IQSEC1: variants seen among roughly 807,000 people sequenced by gnomAD.
IQSEC1 encodes IQ motif and SEC7 domain-containing protein 1.
Under a neutral mutation model 91.0 loss-of-function variants are expected in IQSEC1, and 31 were observed. That is an observed-to-expected ratio of 0.34 (90% CI 0.26 to 0.46). The LOEUF (loss-of-function observed/expected upper bound fraction) is 0.46, where lower values mean the gene tolerates loss of function less well. Ranked by LOEUF, IQSEC1 falls within the 20% of genes least tolerant of loss-of-function variation. The probability of loss-of-function intolerance (pLI) is 1.00; values close to 1 mark genes in which losing one functional copy is unlikely to be tolerated. For missense variants in IQSEC1, 1,388 were observed against 1,575.6 expected (o/e 0.88, Z 2.02); for synonymous variants, 699 against 662.6 (o/e 1.05, Z -0.84).
intron 12 of IQSEC1, among the ~76,000 whole-genome samples, chr3:12,906,200 G>A (rs1694963024): frequency 6.6e-6 from 1 of 152,204 alleles, no homozygotes; most frequent in African/African-American, 2.4e-5. Flanking sequence ...CCTGCCCCAG[G>A]AGCAGTGACG....
rs1705499343 is a variant in IQSEC1 at position 13,073,354 on chromosome 3, A to C, written c.-340T>G. Among the ~76,000 whole-genome samples the C allele has an allele frequency of 6.6e-6, 1 of 152,146 alleles. No homozygotes were observed. The highest frequency in any genetic ancestry group is 1.5e-5 in the Non-Finnish European group (1 of 68,016). On this transcript the variant is annotated 5_prime_UTR_variant, in exon 1 of 14. An upstream start codon of the reference 5' UTR is lost. Coordinates refer to ENST00000613206, the MANE Select transcript of IQSEC1 (RefSeq NM_001134382.3). ...ACCTTGGGGTTTTTCCCTCCCGTCC[A>C]TCCGGGGTGCGGGGCGCGGGGATGA...
chr3:12,998,814 A>G (rs1350549961), intron 1 of IQSEC1, among the ~76,000 whole-genome samples: 1 of 151,848 alleles, frequency 6.6e-6, no homozygotes, highest in African/African-American at 2.4e-5. Context: ...GACAGTGGGG[A>G]TGGAGAGCTG....
At chr3:13,223,630 C>CA (rs1319397079) in intron 1 of IQSEC1, among the ~76,000 whole-genome samples, 2 of 152,210 alleles carry the variant, frequency 1.3e-5, no homozygotes, top group Non-Finnish European at 2.9e-5. Flanking sequence ...CCCATGCACC[C>CA]ATCAGCCAGA....
intron 1 of IQSEC1, among the ~76,000 whole-genome samples, chr3:13,263,433 G>GTTTA (rs1695427075): frequency 7.5e-6 from 1 of 133,704 alleles, no homozygotes; most frequent in African/African-American, 2.6e-5. Context: ...TTTTTGGGGG[G>GTTTA]GGGGGGAAAG....
At chr3:13,078,313 A>T (rs1353520562), upstream of IQSEC1, among the ~76,000 whole-genome samples, 1 of 152,126 alleles carries the variant, frequency 6.6e-6, no homozygotes, top group Non-Finnish European at 1.5e-5. Flanking sequence ...TGAGCGAGAG[A>T]AGGCATCATT....
At chr3:12,923,283 G>C (rs1043155787) in intron 4 of IQSEC1, among the ~76,000 whole-genome samples, 1 of 152,164 alleles carries the variant, frequency 6.6e-6, no homozygotes, top group East Asian at 1.9e-4. Flanking sequence ...GGCTTGGAGT[G>C]GGGAGTCGGG....
At chr3:13,204,807 T>TTC (rs1272993905) in intron 1 of IQSEC1, among the ~76,000 whole-genome samples, 211 of 145,274 alleles carry the variant, frequency 1.5e-3, no homozygotes, top group African/African-American at 5.1e-3. Context: ...CTTTCTTTCT[T>TTC]TTTTTTTTTT....
At chr3:12,916,597 G>A (rs1358454136) in intron 6 of IQSEC1, among the ~76,000 whole-genome samples, 1 of 152,216 alleles carries the variant, frequency 6.6e-6, no homozygotes, top group Non-Finnish European at 1.5e-5. Flanking sequence ...GCTCCAACCC[G>A]GGGTAGGCAA....
At chr3:12,972,884 G>A (rs1700974916) in intron 1 of IQSEC1, among the ~76,000 whole-genome samples, 1 of 152,150 alleles carries the variant, frequency 6.6e-6, no homozygotes, top group Non-Finnish European at 1.5e-5. Flanking sequence ...GCAGTAAAAA[G>A]CCAGAGACAG....
intron 2 of IQSEC1, among the ~76,000 whole-genome samples, chr3:13,108,487 C>G (rs1436004636): frequency 6.6e-6 from 1 of 151,854 alleles, no homozygotes; most frequent in African/African-American, 2.4e-5. Flanking sequence ...TCTCCACCAG[C>G]GGCAATGGGC....
chr3:12,991,438 C>G (rs898277800), intron 1 of IQSEC1, among the ~76,000 whole-genome samples: 1 of 152,082 alleles, frequency 6.6e-6, no homozygotes, highest in Non-Finnish European at 1.5e-5. Context: ...GCGTGGGACC[C>G]CAGTCTACAC....
intron 2 of IQSEC1, among the ~76,000 whole-genome samples, chr3:13,092,106 A>G (rs1705872438): frequency 1.3e-5 from 2 of 152,100 alleles, no homozygotes; most frequent in Non-Finnish European, 2.9e-5. Flanking sequence ...ATTGCCCTGC[A>G]CTGTGCAGGG....
chr3:13,092,933 G>A (rs1705889172), intron 2 of IQSEC1, among the ~76,000 whole-genome samples: 1 of 152,018 alleles, frequency 6.6e-6, no homozygotes, highest in South Asian at 2.1e-4. Flanking sequence ...TCCCCCTCCC[G>A]TAGCCGGCTC....
At chr3:13,022,579 G>A (rs149419699) in intron 1 of IQSEC1, 34 of 447,378 alleles carry the variant, frequency 7.6e-5, no homozygotes, top group African/African-American at 2.8e-4. Flanking sequence ...TGGGAGAGGC[G>A]AGCTCAGAGA....
chr3:12,903,588 CG>C (rs1694622234), intron 12 of IQSEC1, among the ~76,000 whole-genome samples: 1 of 152,224 alleles, frequency 6.6e-6, no homozygotes, highest in South Asian at 2.1e-4. Context: ...ACTCGGCATG[CG>C]GGGTCCGTCA....
At chr3:13,077,030 C>CT (rs11360262), upstream of IQSEC1, among the ~76,000 whole-genome samples, 19 of 144,918 alleles carry the variant, frequency 1.3e-4, no homozygotes, top group East Asian at 2.0e-4. Flanking sequence ...TTCTTTCTTT[C>CT]TTTTTTTTTT....
chr3:13,083,925 G>A (rs1454547786), intron 2 of IQSEC1, among the ~76,000 whole-genome samples: 2 of 152,264 alleles, frequency 1.3e-5, no homozygotes, highest in African/African-American at 4.8e-5. Context: ...TGCCCTGGAG[G>A]AGTACGCGGT....
chr3:13,029,339 A>G (rs139134678), intron 1 of IQSEC1, among the ~76,000 whole-genome samples: 93 of 152,344 alleles, frequency 6.1e-4, no homozygotes, highest in African/African-American at 2.1e-3. Context: ...GAAGGCAGAG[A>G]GAGGTCCACA....
chr3:13,198,675 G>A (rs546561502), intron 1 of IQSEC1, among the ~76,000 whole-genome samples: 27 of 152,288 alleles, frequency 1.8e-4, no homozygotes, highest in Non-Finnish European at 2.5e-4. Context: ...GGCTGGCTGC[G>A]TCCTCTTACA....
Sources: gnomAD v4.1 joint callset for allele counts (sites outside exome capture counted in the v4.1 genomes callset) on GRCh38, gnomAD v4.1.1 for gene constraint, MANE v1.5 for transcripts, NCBI Gene and HGNC (gene_info 2026-07-23, HGNC 2026-07-21) for gene names.